MAF: variants seen among roughly 807,000 people sequenced by gnomAD.
The protein encoded by MAF is transcription factor Maf.
A neutral mutation model predicts 22.0 loss-of-function variants in MAF; 10 were observed. The ratio of observed to expected loss-of-function variants is 0.45; its 90% confidence interval spans 0.28 to 0.77. The LOEUF is 0.77. MAF is among the 30% of genes least tolerant of loss of function. The pLI, the probability that MAF is intolerant of heterozygous loss-of-function variation, is 0.12. For missense variants in MAF, 544 were observed against 548.4 expected (o/e 0.99, Z 0.08); for synonymous variants, 337 against 255.8 (o/e 1.32, Z -3.03).
the MAF span, among the ~76,000 whole-genome samples, chr16:79,502,708 A>AATATATATATATAT: frequency 2.9e-4 from 10 of 33,960 alleles, no homozygotes; most frequent in Admixed American, 5.4e-4. Flanking sequence ...TATAAATATA[A>AATATATATATATAT]ATATATATAT....
At chr16:79,520,684 G>T in the MAF span, among the ~76,000 whole-genome samples, 1 of 152,210 alleles carries the variant, frequency 6.6e-6, no homozygotes, top group Non-Finnish European at 1.5e-5. Context: ...GGGCAAATCA[G>T]ATCTGGTTTC....
the MAF span, among the ~76,000 whole-genome samples, chr16:79,386,524 G>A: frequency 2.6e-5 from 4 of 152,076 alleles, no homozygotes; most frequent in Admixed American, 1.3e-4. Flanking sequence ...GCTCACCCAC[G>A]CACAGCTCAC....
At chr16:79,401,469 C>G in the MAF span, among the ~76,000 whole-genome samples, 1 of 152,100 alleles carries the variant, frequency 6.6e-6, no homozygotes, top group Non-Finnish European at 1.5e-5. Flanking sequence ...GGCATTTAAA[C>G]CCAGGGTCTA....
chr16:79,508,291 G>C, the MAF span, among the ~76,000 whole-genome samples: 1 of 152,182 alleles, frequency 6.6e-6, no homozygotes, highest in African/African-American at 2.4e-5. Flanking sequence ...CTTCTTGTTG[G>C]ACTTGGCCAA....
At chr16:79,361,532 G>C in the MAF span, among the ~76,000 whole-genome samples, 312 of 152,244 alleles carry the variant, frequency 2.0e-3, 1 homozygote, top group Non-Finnish European at 3.3e-3. Flanking sequence ...TCTCTATCTG[G>C]GTGAGCCATG....
At chr16:79,536,207 A>T in the MAF span, among the ~76,000 whole-genome samples, 25 of 152,350 alleles carry the variant, frequency 1.6e-4, no homozygotes, top group African/African-American at 6.0e-4. Flanking sequence ...GCCCAGGCAG[A>T]GTCCATGAAA....
the MAF span, among the ~76,000 whole-genome samples, chr16:79,503,722 A>C: frequency 6.6e-6 from 1 of 152,214 alleles, no homozygotes. Context: ...TTTGGTCACC[A>C]GGAAGCTCAG....
the MAF span, among the ~76,000 whole-genome samples, chr16:79,500,211 C>G: frequency 3.9e-5 from 6 of 152,182 alleles, no homozygotes; most frequent in African/African-American, 1.4e-4. Flanking sequence ...TTTGTTACAA[C>G]AGCCACCAGA....
chr16:79,441,349 G>C, the MAF span, among the ~76,000 whole-genome samples: 1 of 152,224 alleles, frequency 6.6e-6, no homozygotes. Context: ...AATGGGGAAA[G>C]AGAAGGTATA....
At chr16:79,215,735 G>C in the MAF span, among the ~76,000 whole-genome samples, 1 of 152,166 alleles carries the variant, frequency 6.6e-6, no homozygotes, top group Admixed American at 6.5e-5. Flanking sequence ...AACATACCAA[G>C]TGCTACATCC....
the MAF span, among the ~76,000 whole-genome samples, chr16:79,477,882 G>A: frequency 6.6e-6 from 1 of 151,720 alleles, no homozygotes; most frequent in African/African-American, 2.4e-5. Context: ...GTGCCACCAG[G>A]CCAGCTAATT....
At chr16:79,268,036 C>G in the MAF span, among the ~76,000 whole-genome samples, 2 of 152,080 alleles carry the variant, frequency 1.3e-5, no homozygotes, top group South Asian at 4.2e-4. Flanking sequence ...CACATCCTCC[C>G]CTCTAGGGGA....
chr16:79,284,483 C>G, the MAF span, among the ~76,000 whole-genome samples: 28,459 of 152,094 alleles, frequency 0.19, 3,272 homozygotes, highest in East Asian at 0.6. Context: ...TTACATCTAG[C>G]TCATTGCAGA....
the MAF span, among the ~76,000 whole-genome samples, chr16:79,529,185 AAG>A: frequency 6.6e-6 from 1 of 152,160 alleles, no homozygotes; most frequent in Non-Finnish European, 1.5e-5. Context: ...ATGGTCCCAG[AAG>A]AGTTTCCAAA....
the MAF span, among the ~76,000 whole-genome samples, chr16:79,477,829 G>A: frequency 6.6e-6 from 1 of 151,944 alleles, no homozygotes; most frequent in African/African-American, 2.4e-5. Flanking sequence ...GGCTCAAGAA[G>A]TTCTCCTGCC....
intron 1 of MAF, chr16:79,595,552 G>A (rs1913467239): frequency 1.9e-6 from 2 of 1,059,886 alleles, no homozygotes; most frequent in African/African-American, 3.3e-5. Context: ...GCATGAATTT[G>A]TAACATTAGT....
chr16:79,527,171 G>T, the MAF span, among the ~76,000 whole-genome samples: 2 of 152,026 alleles, frequency 1.3e-5, no homozygotes, highest in Non-Finnish European at 2.9e-5. Flanking sequence ...CACATTTTTG[G>T]ATCTGTACTA....
At position 79,599,783 on chromosome 16, in the gene MAF, G is replaced by A. The variant is rs2143818498; in HGVS notation, c.120C>T (p.Asp40=). 1 of 1,613,112 alleles carries A rather than the reference G, an allele frequency of 6.2e-7. No individual in the cohort carries two copies. Among genetic ancestry groups the A allele is most frequent in the Non-Finnish European group, 8.5e-7 (1 of 1,179,936 alleles). ...FEVKKEPVET[D]RIISQCGRLI... ...GACGGCCGCACTGGCTGATGATGCG[G>A]TCGGTCTCCACCGGTTCCTTTTTCA... The change falls in exon 1 of 2, where the codon GAC becomes GAT. Residue 40 remains aspartate (D), a synonymous_variant. Coordinates refer to ENST00000326043, the MANE Select transcript of MAF (RefSeq NM_005360.5).
the MAF span, among the ~76,000 whole-genome samples, chr16:79,407,714 T>C: frequency 6.6e-6 from 1 of 152,088 alleles, no homozygotes; most frequent in Non-Finnish European, 1.5e-5. Flanking sequence ...GACATATGGC[T>C]TCATTATAAA....
Sources: allele counts gnomAD v4.1 joint callset (sites outside exome capture counted in the v4.1 genomes callset), GRCh38; gene constraint gnomAD v4.1.1; transcripts MANE v1.5; gene names NCBI Gene and HGNC (gene_info 2026-07-23, HGNC 2026-07-21).